The following AASDHPPT variants were observed in gnomAD, a reference collection of about 807,000 sequenced individuals.
AASDHPPT encodes aminoadipate-semialdehyde dehydrogenase-phosphopantetheinyl transferase.
AASDHPPT carries 23 observed loss-of-function variants against 36.4 expected under a neutral mutation model. The ratio of observed to expected loss-of-function variants is 0.63; its 90% CI spans 0.45 to 0.89. AASDHPPT has a LOEUF of 0.89. Ranked by LOEUF, AASDHPPT falls within the 40% of genes least tolerant of loss-of-function variation. The pLI is 0.00. For missense variants in AASDHPPT, 377 were observed against 378.2 expected (o/e 1.00, Z 0.03); for synonymous variants, 115 against 128.0 (o/e 0.90, Z 0.68).
At position 106,094,583 on chromosome 11, in the gene AASDHPPT, G is replaced by T. The variant is rs1421027750; in HGVS notation, c.694G>T (p.Glu232Ter). 4 of 1,599,870 alleles carry T rather than the reference G, an allele frequency of 2.5e-6. No homozygotes were observed. The highest frequency in any genetic ancestry group is 2.6e-6 in the Non-Finnish European group (3 of 1,173,638). Residue 232 changes from glutamate to a stop codon, truncating the protein, a stop_gained and splice_region_variant, in exon 5 of 6, where the codon GAA becomes TAA. Transcript: ENST00000278618. LOFTEE classifies it high-confidence loss of function. ...TATTTATTTACCTTTTATCTTTCAG[G>T]AAAGCAAAATAGATGAGCACCATTT... Reference protein sequence around the residue: ...GEEEKEWAFEESKIDEHHFVA... With the variant: ...GEEEKEWAFE
At chr11:106,088,581 CT>C (rs1395772408) in intron 2 of AASDHPPT, among the ~76,000 whole-genome samples, 1 of 152,060 alleles carries the variant, frequency 6.6e-6, no homozygotes, top group African/African-American at 2.4e-5. Context: ...TCCAGATTTA[CT>C]TTTGTTACTT....
At chr11:106,094,925 A>C (rs1426082158) in intron 5 of AASDHPPT, among the ~76,000 whole-genome samples, 2 of 152,192 alleles carry the variant, frequency 1.3e-5, no homozygotes, top group African/African-American at 4.8e-5. Flanking sequence ...CAGGAGTTCC[A>C]GACCAGCCTG....
At chr11:106,095,692 A>C (rs1302832999) in intron 5 of AASDHPPT, 1 of 152,226 alleles carries the variant, frequency 6.6e-6, no homozygotes, top group Non-Finnish European at 1.5e-5. Flanking sequence ...TAGCTCAGGC[A>C]ACACACCAAA....
intron 2 of AASDHPPT, among the ~76,000 whole-genome samples, chr11:106,082,798 G>A (rs2186731): frequency 0.61 from 93,267 of 151,842 alleles, 32,443 homozygotes; most frequent in Non-Finnish European, 0.77. Context: ...ACCCTCTTTT[G>A]GAAAATTTTG....
intron 2 of AASDHPPT, among the ~76,000 whole-genome samples, chr11:106,086,596 C>T (rs1319555417): frequency 6.6e-6 from 1 of 152,108 alleles, no homozygotes; most frequent in African/African-American, 2.4e-5. Context: ...TCACCCCATC[C>T]CAGCATTAGC....
In AASDHPPT at chr11:106,095,165, G is replaced by T. The variant is rs183220138; in HGVS notation, c.765+511G>T. Among the ~76,000 whole-genome samples the T allele has an allele frequency of 3.5e-3, 528 of 152,114 alleles. 2 individuals are homozygous for T. The highest frequency in any genetic ancestry group is 0.012 in the African/African-American group (504 of 41,494). ...TACCCGCTTCTTCACATTCGTATAC[G>T]CTTAAGTATTACAACAAAAAAAAAT... On this transcript the variant is annotated intron_variant, in intron 5 of 5. Transcript: ENST00000278618.
intron 4 of AASDHPPT, 96 bp downstream of exon 4, chr11:106,091,573 G>C (rs933985151): frequency 8.0e-7 from 1 of 1,253,182 alleles, no homozygotes; most frequent in Non-Finnish European, 1.1e-6. Flanking sequence ...GAATTTGGAC[G>C]CAACTGAATC....
chr11:106,077,938 T>G (rs1255314991), intron 1 of AASDHPPT, 45 bp downstream of exon 1: 1 of 1,590,106 alleles, frequency 6.3e-7, no homozygotes, highest in South Asian at 1.1e-5. Flanking sequence ...GAAGCAGATC[T>G]TGGGGGAGGC....
At chr11:106,080,301 G>A (rs943085010) in intron 2 of AASDHPPT, among the ~76,000 whole-genome samples, 51 of 152,068 alleles carry the variant, frequency 3.4e-4, no homozygotes, top group African/African-American at 1.2e-3. Flanking sequence ...ATCTGAGGAG[G>A]GTCCTGGAAC....
rs186733824 is a variant in AASDHPPT at position 106,078,018 on chromosome 11, C to T, written c.183+125C>T. ...CTCTCGCTGTGGAGCCTGTGGCCGGCCCGGGCGACAGCAGCCGGCGCTGCG... is the reference window on the plus strand; with the variant it reads ...CTCTCGCTGTGGAGCCTGTGGCCGGTCCGGGCGACAGCAGCCGGCGCTGCG... On this transcript the variant is annotated intron_variant, in intron 1 of 5. Transcript: ENST00000278618. 1.1e-3 allele frequency: 1,362 copies of T among 1,248,558 alleles called. 18 individuals carry two copies. The East Asian group carries it at 0.021, about 19-fold the overall frequency. The allele number at this position is 1,248,558 out of a possible 1,614,324, so 77.3% of individuals were successfully genotyped here. A position where few individuals can be genotyped will look rare whatever the true frequency, so the allele number is the denominator to read the frequency against.
intron 3 of AASDHPPT, 135 bp downstream of exon 3, chr11:106,090,813 G>T: frequency 2.4e-6 from 3 of 1,225,372 alleles, no homozygotes; most frequent in Middle Eastern, 2.8e-4. Flanking sequence ...AGAATTTTAT[G>T]GTTTTTATGC....
chr11:106,087,562 G>A (rs560313892), intron 2 of AASDHPPT, among the ~76,000 whole-genome samples: 42 of 152,166 alleles, frequency 2.8e-4, no homozygotes, highest in African/African-American at 1.0e-3. Flanking sequence ...GTAGTTATAT[G>A]TATATATTTG....
At chr11:106,082,799 GA>G (rs1389035698) in intron 2 of AASDHPPT, among the ~76,000 whole-genome samples, 1 of 152,000 alleles carries the variant, frequency 6.6e-6, no homozygotes, top group African/African-American at 2.4e-5. Context: ...CCCTCTTTTG[GA>G]AAATTTTGGT....
intron 2 of AASDHPPT, among the ~76,000 whole-genome samples, chr11:106,085,188 G>A (rs528537342): frequency 2.0e-5 from 3 of 152,060 alleles, no homozygotes; most frequent in Admixed American, 6.5e-5. Flanking sequence ...TGCAAGCTCC[G>A]CCTCCTGGGT....
Position 106,091,360 on chromosome 11 carries a change from A to T in AASDHPPT, c.576A>T (p.Gly192=), listed in dbSNP as rs757751884. 6.2e-7 allele frequency: 1 copy of T among 1,609,448 alleles called. No homozygotes were observed. Among genetic ancestry groups the T allele is most frequent in the Admixed American group, 1.7e-5 (1 of 59,302 alleles). Residue 192 remains glycine, a synonymous_variant, in exon 4 of 6, where the codon GGA becomes GGT. Transcript: ENST00000278618. ...SFIKAIGVGL[G]FELQRLEFDL... The stretch of plus-strand genomic sequence containing the variant: ...TAAAAGCCATTGGTGTTGGACTAGG[A>T]TTTGAATTGCAGCGGCTTGAATTTG...
In AASDHPPT at chr11:106,079,647, C is replaced by A; in HGVS notation, c.364C>A (p.Pro122Thr). 1 of 1,614,150 alleles carries A rather than the reference C, an allele frequency of 6.2e-7. No individual in the cohort carries two copies. The highest frequency in any genetic ancestry group is 2.2e-5 in the East Asian group (1 of 44,874). ...AGACTATGCAGTGCTTGCTGCTGAA[C>A]CTGAGCTGCAAGTTGGAATTGATAT... is the stretch of plus-strand genomic sequence containing the variant. ...QGDYAVLAAE[P>T]ELQVGIDIMK... The change falls in exon 2 of 6, where the codon CCT (proline) becomes ACT (threonine). Residue 122 changes from proline to threonine, a missense_variant. Physicochemically the swap from Pro to Thr is conservative, Grantham distance 38. Coordinates refer to ENST00000278618, the MANE Select transcript of AASDHPPT (RefSeq NM_015423.3).
intron 2 of AASDHPPT, among the ~76,000 whole-genome samples, chr11:106,088,870 A>G (rs1263299070): frequency 6.6e-6 from 1 of 152,128 alleles, no homozygotes; most frequent in African/African-American, 2.4e-5. Flanking sequence ...ATAGTACCAC[A>G]TATCAGCAAC....
intron 4 of AASDHPPT, 167 bp from the exon 5 acceptor site, chr11:106,094,416 T>A: frequency 2.1e-6 from 1 of 466,870 alleles, no homozygotes; most frequent in East Asian, 3.5e-5. Context: ...ATGTAACTTC[T>A]AAAGTAGTTT....
At chr11:106,092,382 TAAATG>T (rs1308996677) in intron 4 of AASDHPPT, 1 of 152,098 alleles carries the variant, frequency 6.6e-6, no homozygotes, top group Non-Finnish European at 1.5e-5. Context: ...TACTAGAAAA[TAAATG>T]AGATGTTAAG....
Sources: gnomAD v4.1 joint callset for allele counts (sites outside exome capture counted in the v4.1 genomes callset) on GRCh38, gnomAD v4.1.1 for gene constraint, MANE v1.5 for transcripts, NCBI Gene and HGNC (gene_info 2026-07-23, HGNC 2026-07-21) for gene names.